The following SNTG2 variants were observed in gnomAD, a reference collection of about 807,000 sequenced individuals.
SNTG2 encodes the protein gamma-2-syntrophin.
A neutral mutation model predicts 70.9 loss-of-function variants in SNTG2; 74 were observed. The observed-to-expected ratio is 1.04, with a 90% CI of 0.86 to 1.27. SNTG2 has a LOEUF of 1.27. Among genes scored for constraint, SNTG2 ranks in the 50% most tolerant of loss-of-function variants. SNTG2 has a pLI of 0.00. For synonymous variants in SNTG2, 278 were observed against 273.8 expected, an observed-to-expected ratio of 1.02 and a Z score of -0.15; for missense variants, 717 against 690.7, an observed-to-expected ratio of 1.04 and a Z score of -0.43.
At chr2:1,229,892 C>T (rs1446931005) in intron 9 of SNTG2, among the ~76,000 whole-genome samples, 9 of 152,204 alleles carry the variant, frequency 5.9e-5, no homozygotes, top group African/African-American at 1.2e-4. Flanking sequence ...GCTCCGAGTG[C>T]GGAGCCCGCC....
chr2:1,155,065 CCACA>C (rs1669779205), intron 6 of SNTG2, among the ~76,000 whole-genome samples: 1 of 149,296 alleles, frequency 6.7e-6, no homozygotes, highest in East Asian at 2.0e-4. Flanking sequence ...TAAACACAAA[CCACA>C]CACACAGCAC....
intron 6 of SNTG2, chr2:1,161,484 C>T (rs1366418520): frequency 6.6e-6 from 1 of 152,210 alleles, no homozygotes; most frequent in African/African-American, 2.4e-5. Flanking sequence ...GGAGGCTGCC[C>T]CCTAGGCAGG....
At chr2:1,124,027 A>G (rs1370451502) in intron 4 of SNTG2, among the ~76,000 whole-genome samples, 1 of 116,624 alleles carries the variant, frequency 8.6e-6, no homozygotes, top group Admixed American at 8.9e-5. Flanking sequence ...TCAGTTGTGC[A>G]GGAAGAATTT....
At chr2:1,062,663 A>G (rs1296290667) in intron 1 of SNTG2, among the ~76,000 whole-genome samples, 1 of 152,196 alleles carries the variant, frequency 6.6e-6, no homozygotes, top group Non-Finnish European at 1.5e-5. Flanking sequence ...TGGTACATAA[A>G]ATGTTGAGTT....
At chr2:1,268,278 C>T (rs1190086520) in intron 14 of SNTG2, among the ~76,000 whole-genome samples, 2 of 152,182 alleles carry the variant, frequency 1.3e-5, no homozygotes, top group African/African-American at 4.8e-5. Flanking sequence ...CCTGGCTGAG[C>T]GCGGAGAATG....
intron 14 of SNTG2, among the ~76,000 whole-genome samples, chr2:1,304,263 G>T (rs1209822500): frequency 1.3e-5 from 2 of 152,142 alleles, no homozygotes; most frequent in Non-Finnish European, 2.9e-5. Context: ...TCCGACTCCA[G>T]TTCCTTTTCC....
At chr2:1,223,225 G>GCAGCCCGGGCA (rs1675461321) in intron 9 of SNTG2, among the ~76,000 whole-genome samples, 2 of 113,768 alleles carry the variant, frequency 1.8e-5, no homozygotes, top group Admixed American at 9.4e-5. Flanking sequence ...TGTCCTGCCT[G>GCAGCCCGGGCA]CTGCTGGAGG....
intron 4 of SNTG2, among the ~76,000 whole-genome samples, chr2:1,099,200 G>A (rs541266893): frequency 6.6e-6 from 1 of 152,164 alleles, no homozygotes; most frequent in Non-Finnish European, 1.5e-5. Flanking sequence ...CTGCTCTCCA[G>A]AGCAAGGGGC....
At chr2:1,028,020 AG>A (rs1660584775) in intron 1 of SNTG2, among the ~76,000 whole-genome samples, 1 of 151,320 alleles carries the variant, frequency 6.6e-6, no homozygotes, top group African/African-American at 2.4e-5. Flanking sequence ...CTACCCAGCA[AG>A]TAACTCATGC....
chr2:1,146,525 G>C (rs971894149), intron 6 of SNTG2, among the ~76,000 whole-genome samples: 1 of 151,278 alleles, frequency 6.6e-6, no homozygotes, highest in Non-Finnish European at 1.5e-5. Context: ...CTAGCAAAAA[G>C]TTTTGTGGAT....
At chr2:1,123,390 A>G (rs7575887) in intron 4 of SNTG2, among the ~76,000 whole-genome samples, 72,182 of 151,870 alleles carry the variant, frequency 0.48, 18,278 homozygotes, top group East Asian at 0.66. Context: ...TAGAAAGCCC[A>G]GAAGTAAAAC....
At chr2:991,956 G>T (rs1411643346) in intron 1 of SNTG2, among the ~76,000 whole-genome samples, 1 of 152,140 alleles carries the variant, frequency 6.6e-6, no homozygotes, top group African/African-American at 2.4e-5. Context: ...GTTAAGTCAA[G>T]AAGCAAAAGT....
rs867079713 is a variant in SNTG2 at position 950,935 on chromosome 2, G to C, written c.-62G>C. On this transcript the variant is annotated 5_prime_UTR_variant, in exon 1 of 17. Transcript: ENST00000308624. Reference sequence around the variant, plus strand: ...CGCCTGGCGGGGCCCTGGGAGGCTCGGACGGGGTCCTGGCGTTGAGCTCGG... The same window carrying C: ...CGCCTGGCGGGGCCCTGGGAGGCTCCGACGGGGTCCTGGCGTTGAGCTCGG... 2.5e-4 allele frequency: 227 copies of C among 901,804 alleles called. 1 individual carries two copies. In the Middle Eastern group the frequency reaches 7.1e-3, roughly 28 times the overall value. 55.9% of individuals were successfully genotyped at this position (901,804 alleles called of 1,614,324 possible). A position where few individuals can be genotyped will look rare whatever the true frequency, so the allele number is the denominator to read the frequency against.
At chr2:1,348,803 C>T (rs1660432622) in intron 16 of SNTG2, among the ~76,000 whole-genome samples, 1 of 152,200 alleles carries the variant, frequency 6.6e-6, no homozygotes, top group Non-Finnish European at 1.5e-5. Context: ...TGACTCTTTT[C>T]ATTAACAAAT....
chr2:1,134,833 A>AGGCATGGC (rs2148324242), intron 4 of SNTG2, among the ~76,000 whole-genome samples: 1 of 152,262 alleles, frequency 6.6e-6, no homozygotes, highest in South Asian at 2.1e-4. Flanking sequence ...GGGGAGGCTC[A>AGGCATGGC]GGCATGGCGG....
At position 1,056,959 on chromosome 2, in the gene SNTG2, A is replaced by AGGGAGGGAGAGAGCGGGGCCACGTTGTG. The variant is rs1662493672; in HGVS notation, c.73-26550_73-26549insAGAGCGGGGCCACGTTGTGGGGAGGGAG. 5.9e-3 allele frequency among the ~76,000 whole-genome samples: 39 copies of AGGGAGGGAGAGAGCGGGGCCACGTTGTG among 6,666 alleles called. 1 individual carries two copies. Among genetic ancestry groups the AGGGAGGGAGAGAGCGGGGCCACGTTGTG allele is most frequent in the African/African-American group, 0.021 (38 of 1,812 alleles). 4.4% of individuals were successfully genotyped at this position (6,666 alleles called of 152,430 possible). On this transcript the variant is annotated intron_variant, in intron 1 of 16. Transcript: ENST00000308624. ...GAGAGCGCGGCGCCCCGCTGTGGGGAGGGAGGGAGGGAGAGCGCGGGGCCA... is the reference window on the plus strand; with the variant it reads ...GAGAGCGCGGCGCCCCGCTGTGGGGAGGGAGGGAGAGAGCGGGGCCACGTTGTGGGGAGGGAGGGAGAGCGCGGGGCCA...
At chr2:1,174,005 A>G (rs1250066638) in intron 8 of SNTG2, among the ~76,000 whole-genome samples, 1 of 152,252 alleles carries the variant, frequency 6.6e-6, no homozygotes, top group Non-Finnish European at 1.5e-5. Flanking sequence ...CTAGAGAAAA[A>G]TATTCATGTT....
intron 1 of SNTG2, among the ~76,000 whole-genome samples, chr2:1,021,319 C>G (rs1660159764): frequency 6.6e-6 from 1 of 152,136 alleles, no homozygotes; most frequent in Non-Finnish European, 1.5e-5. Context: ...CCATAAAAGT[C>G]TGTTGATCAG....
intron 14 of SNTG2, among the ~76,000 whole-genome samples, chr2:1,283,556 C>T (rs11211638): frequency 0.37 from 55,488 of 151,844 alleles, 10,229 homozygotes; most frequent in Middle Eastern, 0.46. Flanking sequence ...GTCTGAGGAC[C>T]GACTGTGTCC....
Sources: allele counts gnomAD v4.1 joint callset (sites outside exome capture counted in the v4.1 genomes callset), GRCh38; gene constraint gnomAD v4.1.1; transcripts MANE v1.5; gene names NCBI Gene and HGNC (gene_info 2026-07-23, HGNC 2026-07-21).